Variants in SLC38A6 observed in about 807,000 individuals in gnomAD.
SLC38A6 encodes solute carrier family 38 member 6, also known as N system amino acid transporter NAT-1.
In SLC38A6, 73 loss-of-function variants were observed where a neutral mutation model predicts 65.0. That is an observed-to-expected ratio of 1.12 (90% confidence interval 0.93 to 1.37). The LOEUF is 1.37. SLC38A6 is among the 40% of genes most tolerant of loss of function. The probability of loss-of-function intolerance (pLI) is 0.00; values close to 1 mark genes in which losing one functional copy is unlikely to be tolerated. For missense variants in SLC38A6, 561 were observed against 531.1 expected, an observed-to-expected ratio of 1.06 and a Z score of -0.55; for synonymous variants, 183 against 178.8, an observed-to-expected ratio of 1.02 and a Z score of -0.19.
At chr14:61,043,876 T>C (rs1205296350) in intron 10 of SLC38A6, among the ~76,000 whole-genome samples, 2 of 152,102 alleles carry the variant, frequency 1.3e-5, no homozygotes, top group East Asian at 1.9e-4. Flanking sequence ...TCAAAAACTC[T>C]TCCCCTGTGA....
At chr14:61,029,117 T>A (rs944052010) in intron 5 of SLC38A6, among the ~76,000 whole-genome samples, 5 of 151,876 alleles carry the variant, frequency 3.3e-5, no homozygotes, top group African/African-American at 1.2e-4. Flanking sequence ...TATAAATAAG[T>A]AATAAAATTA....
chr14:60,982,697 G>A, intron 2 of SLC38A6, 59 bp downstream of exon 2: 1 of 1,520,538 alleles, frequency 6.6e-7, no homozygotes, highest in South Asian at 1.3e-5. Context: ...ATACGGAGAA[G>A]TAGAGAGATA....
intron 16 of SLC38A6, among the ~76,000 whole-genome samples, chr14:61,081,399 T>A (rs2043641509): frequency 7.2e-6 from 1 of 138,036 alleles, no homozygotes; most frequent in South Asian, 2.4e-4. Flanking sequence ...CCAGCGTAAG[T>A]CTTTCATGTT....
intron 3 of SLC38A6, among the ~76,000 whole-genome samples, chr14:60,990,676 A>C (rs1169975231): frequency 1.3e-5 from 2 of 152,062 alleles, no homozygotes; most frequent in African/African-American, 4.8e-5. Flanking sequence ...TGTGTGGCCC[A>C]GGCTGGAATG....
At chr14:61,013,425 T>G (rs990282163) in intron 3 of SLC38A6, among the ~76,000 whole-genome samples, 15 of 152,222 alleles carry the variant, frequency 9.9e-5, no homozygotes, top group Non-Finnish European at 1.6e-4. Flanking sequence ...GATCCTGTCG[T>G]TATGATGTTA....
At chr14:61,065,526 T>G (rs918443369) in intron 15 of SLC38A6, among the ~76,000 whole-genome samples, 4 of 152,206 alleles carry the variant, frequency 2.6e-5, no homozygotes, top group African/African-American at 9.7e-5. Context: ...CATCTACCTT[T>G]AAGAACTTTA....
At chr14:61,023,922 TA>T (rs2040477896) in intron 5 of SLC38A6, among the ~76,000 whole-genome samples, 1 of 152,110 alleles carries the variant, frequency 6.6e-6, no homozygotes, top group South Asian at 2.1e-4. Flanking sequence ...GCACATAGTA[TA>T]CATTTAGTAA....
At chr14:61,039,798 T>C (rs1261271293) in intron 8 of SLC38A6, among the ~76,000 whole-genome samples, 1 of 152,122 alleles carries the variant, frequency 6.6e-6, no homozygotes, top group Non-Finnish European at 1.5e-5. Flanking sequence ...TTCTTGTCAA[T>C]ATGTGTTTGT....
intron 3 of SLC38A6, chr14:61,004,373 G>A (rs759236033): frequency 1.3e-5 from 2 of 152,126 alleles, no homozygotes; most frequent in African/African-American, 2.4e-5. Flanking sequence ...TGAAAAGCAG[G>A]TGTTTGATAT....
chr14:61,075,802 TGTGTG>T (rs2043387424), intron 15 of SLC38A6, among the ~76,000 whole-genome samples: 1 of 150,116 alleles, frequency 6.7e-6, no homozygotes, highest in Non-Finnish European at 1.5e-5. Context: ...TGTGTGTGTG[TGTGTG>T]TGTGTGTGTG....
chr14:61,077,178 A>G lies in SLC38A6; in HGVS notation c.1291-1632A>G, dbSNP rs151022683. ...ATAACCTTTGTGAAAAACTTGCTAC[A>G]TAGTTATTTATCTCATCAAAGACCA... On this transcript the variant is annotated intron_variant, in intron 15 of 16. Coordinates refer to the SLC38A6 transcript ENST00000354886. Among the ~76,000 whole-genome samples the G allele has an allele frequency of 4.8e-3, 736 of 152,326 alleles. 6 individuals are homozygous for G. Among genetic ancestry groups the G allele is most frequent in the African/African-American group, 0.017 (692 of 41,570 alleles).
intron 10 of SLC38A6, 44 bp downstream of exon 10, chr14:61,043,547 T>G (rs1566698231): frequency 6.8e-7 from 1 of 1,476,014 alleles, no homozygotes; most frequent in East Asian, 2.3e-5. Context: ...TTTTTCACAT[T>G]TCAAGTTTTA....
chr14:60,999,953 G>C (rs1015002504), intron 3 of SLC38A6, among the ~76,000 whole-genome samples: 1 of 152,168 alleles, frequency 6.6e-6, no homozygotes, highest in African/African-American at 2.4e-5. Flanking sequence ...TGAAGTTTGT[G>C]ATAATTTCTT....
intron 3 of SLC38A6, among the ~76,000 whole-genome samples, 181 bp from the exon 4 acceptor site, chr14:61,015,723 T>C (rs2039963179): frequency 6.6e-6 from 1 of 152,196 alleles, no homozygotes; most frequent in Admixed American, 6.5e-5. Flanking sequence ...AACCATCCTT[T>C]TTAGTGTTGC....
intron 2 of SLC38A6, among the ~76,000 whole-genome samples, chr14:60,983,433 G>A (rs2037221702): frequency 1.3e-5 from 2 of 152,080 alleles, no homozygotes; most frequent in South Asian, 4.1e-4. Flanking sequence ...AGCCATGATT[G>A]GGCTACTGCA....
chr14:60,982,630 T>C lies in SLC38A6; in HGVS notation c.228T>C (p.Phe76=). 1 of 1,605,984 alleles carries C rather than the reference T, an allele frequency of 6.2e-7. No homozygotes were observed. The highest frequency in any genetic ancestry group is 2.2e-5 in the East Asian group (1 of 44,832). The change falls in exon 2 of 16, where the codon TTT becomes TTC. Residue 76 remains phenylalanine (F), a synonymous_variant. Transcript: ENST00000267488. ...LAYVLANTGV[F]GFSFLLLTVA... is the part of the protein sequence containing the mutation. ...ATGTTTTGGCTAATACCGGTGTCTT[T>C]GGATTTAGGTGAGTCTTCATATTTT... is the stretch of plus-strand genomic sequence containing the variant.
chr14:61,054,534 T>A (rs973317273), downstream of SLC38A6, among the ~76,000 whole-genome samples: 4 of 152,326 alleles, frequency 2.6e-5, no homozygotes, highest in African/African-American at 9.6e-5. Context: ...TTTGTTTGTG[T>A]CTTCTCTGAT....
intron 3 of SLC38A6, among the ~76,000 whole-genome samples, chr14:61,014,936 G>A (rs779717412): frequency 6.6e-6 from 1 of 152,168 alleles, no homozygotes; most frequent in African/African-American, 2.4e-5. Flanking sequence ...TTTAAGTCTG[G>A]ACAGGTTTCT....
At chr14:61,003,057 ACT>A (rs945935330) in intron 3 of SLC38A6, among the ~76,000 whole-genome samples, 1 of 152,186 alleles carries the variant, frequency 6.6e-6, no homozygotes, top group African/African-American at 2.4e-5. Context: ...ACCAAGTAGT[ACT>A]TCAATTACTA....
Sources: allele counts gnomAD v4.1 joint callset (sites outside exome capture counted in the v4.1 genomes callset), GRCh38; gene constraint gnomAD v4.1.1; transcripts MANE v1.5; gene names NCBI Gene and HGNC (gene_info 2026-07-23, HGNC 2026-07-21).